Variants in DNAH5 observed in about 807,000 individuals in gnomAD.
DNAH5 encodes axonemal beta dynein heavy chain 5.
DNAH5 carries 372 observed loss-of-function variants against 518.2 expected under a neutral mutation model. The observed-to-expected ratio is 0.72, with a 90% CI of 0.66 to 0.78. The LOEUF is 0.78. Ranked by LOEUF, DNAH5 falls within the 30% of genes least tolerant of loss-of-function variation. DNAH5 has a pLI of 0.00. For missense variants in DNAH5, 5,523 were observed against 5,687.0 expected, an observed-to-expected ratio of 0.97 and a Z score of 0.93; for synonymous variants, 2,039 against 2,025.9, an observed-to-expected ratio of 1.01 and a Z score of -0.17.
chr5:13,826,696 C>A (rs1762935325), intron 38 of DNAH5, among the ~76,000 whole-genome samples: 1 of 152,196 alleles, frequency 6.6e-6, no homozygotes, highest in Non-Finnish European at 1.5e-5. Context: ...TACCCAGTCT[C>A]AGGTATGTCT....
Position 13,700,729 on chromosome 5 carries a change from C to T in DNAH5, c.13634G>A (p.Trp4545Ter), listed in dbSNP as rs1390251902. ...AATGAGTTTCATGTTCCTCTTGTCC[C>T]AGCCAGCACCTTCAAGATATAAGCC... ...VYGLYLEGAG[W>*]DKRNMKLIES... The change falls in exon 78 of 79, where the codon TGG (tryptophan) becomes TAG (stop). Residue 4545 changes from tryptophan (W) to a stop codon, truncating the protein, a stop_gained. Transcript: ENST00000265104. LOFTEE classifies it high-confidence loss of function. The T allele has an allele frequency of 6.2e-7, 1 of 1,614,128 alleles. No individual in the cohort carries two copies. The highest frequency in any genetic ancestry group is 2.2e-5 in the East Asian group (1 of 44,874).
intron 16 of DNAH5, among the ~76,000 whole-genome samples, chr5:13,892,098 A>G (rs1483354333): frequency 9.1e-6 from 1 of 109,986 alleles, no homozygotes; most frequent in Non-Finnish European, 2.0e-5. Flanking sequence ...ATAAAAGCCT[A>G]AAAGTTTTCT....
chr5:13,817,623 G>A lies in DNAH5; in HGVS notation c.6913C>T (p.Leu2305=). The change falls in exon 42 of 79, where the codon CTG becomes TTG. Residue 2305 remains leucine, a synonymous_variant. Transcript: ENST00000265104. ...GTCCAGTCATTTGTGGCAACGTCCA[G>A]CCGACCAAACATCTGTGGGGCAGTA... ...AITAPQMFGR[L]DVATNDWTDG... 1 of 1,614,092 alleles carries A rather than the reference G, an allele frequency of 6.2e-7. No individual in the cohort carries two copies. The highest frequency in any genetic ancestry group is 1.1e-5 in the South Asian group (1 of 91,076).
chr5:13,896,534 T>C (rs1773937181), intron 15 of DNAH5: 1 of 152,228 alleles, frequency 6.6e-6, no homozygotes, highest in African/African-American at 2.4e-5. Flanking sequence ...TTTATTACAA[T>C]AGACTATATT....
intron 30 of DNAH5, among the ~76,000 whole-genome samples, chr5:13,857,407 G>T (rs890297301): frequency 1.3e-5 from 2 of 152,174 alleles, no homozygotes; most frequent in Non-Finnish European, 2.9e-5. Context: ...TGGATAGGAA[G>T]AATCAATATC....
chr5:13,876,811 AAGG>A lies in DNAH5; in HGVS notation c.3266_3268del (p.Thr1089_Leu1090delinsMet), dbSNP rs1376380032. 6.2e-7 allele frequency: 1 copy of A among 1,613,516 alleles called. No individual in the cohort carries two copies. Among genetic ancestry groups the A allele is most frequent in the Admixed American group, 1.7e-5 (1 of 59,956 alleles). ...GGGTAAATTTACAGATGCTATCTCC[AAGG>A]TATCTAAAAAGAAAAAAAGAAGAGA... On this transcript the variant is annotated inframe_deletion, in exon 22 of 79. Coordinates refer to ENST00000265104, the MANE Select transcript of DNAH5 (RefSeq NM_001369.3).
chr5:13,719,563 G>A (rs192493377), intron 71 of DNAH5, among the ~76,000 whole-genome samples: 2 of 152,292 alleles, frequency 1.3e-5, no homozygotes, highest in East Asian at 3.9e-4. Flanking sequence ...CTAGCATTTA[G>A]GGAAATCTGA....
At chr5:13,938,267 C>T (rs990221795) in intron 1 of DNAH5, among the ~76,000 whole-genome samples, 1 of 152,124 alleles carries the variant, frequency 6.6e-6, no homozygotes, top group African/African-American at 2.4e-5. Context: ...GCTATACCAT[C>T]AGATGGTCAG....
chr5:13,694,527 A>G (rs1432441738), intron 78 of DNAH5, among the ~76,000 whole-genome samples: 1 of 152,250 alleles, frequency 6.6e-6, no homozygotes, highest in Non-Finnish European at 1.5e-5. Context: ...CAGAAGGAGG[A>G]GGAGAGAGAA....
intron 65 of DNAH5, 68 bp downstream of exon 65, chr5:13,751,010 T>G: frequency 3.3e-6 from 5 of 1,525,300 alleles, no homozygotes; most frequent in Non-Finnish European, 4.5e-6. Context: ...ACTGTTATTA[T>G]CTTATTTTTG....
chr5:13,871,864 A>G, intron 22 of DNAH5, 99 bp from the exon 23 acceptor site: 1 of 1,084,022 alleles, frequency 9.2e-7, no homozygotes. Flanking sequence ...CTATGGATTT[A>G]TTAAAATGTT....
rs943419571 is a variant in DNAH5, at chr5:13,916,472, A to G, written c.1090-17T>C. 5.7e-6 allele frequency: 8 copies of G among 1,397,320 alleles called. No individual in the cohort carries two copies. The highest frequency in any genetic ancestry group is 8.1e-6 in the Non-Finnish European group (8 of 987,606). The allele number at this position is 1,397,320 out of a possible 1,614,324, so 86.6% of individuals were successfully genotyped here. A position where few individuals can be genotyped will look rare whatever the true frequency, so the allele number is the denominator to read the frequency against. ...CATGGATAGCTGAAAGATATCACCAAAGTTTTCAGAAAAAATCATCAAATT... is the reference window on the plus strand; with the variant it reads ...CATGGATAGCTGAAAGATATCACCAGAGTTTTCAGAAAAAATCATCAAATT... On this transcript the variant is annotated splice_polypyrimidine_tract_variant and intron_variant, in intron 8 of 78. Coordinates refer to ENST00000265104, the MANE Select transcript of DNAH5 (RefSeq NM_001369.3).
chr5:13,964,609 G>C (rs1781410002), intron 1 of DNAH5, among the ~76,000 whole-genome samples: 1 of 152,180 alleles, frequency 6.6e-6, no homozygotes, highest in South Asian at 2.1e-4. Context: ...CTTGACCTTA[G>C]ATCATTCCCT....
At position 13,891,001 on chromosome 5, in the gene DNAH5, C is replaced by T. The variant is rs775916218; in HGVS notation, c.2552G>A (p.Cys851Tyr). Residue 851 changes from cysteine (C) to tyrosine (Y), a missense_variant, in exon 17 of 79, where the codon TGT becomes TAT. Transcript: ENST00000265104. ...CTTTGTCATTTGGAGAAACTCTTCA[C>T]AGGTTAGTGGCTCCTCCTGGGGAAG... ...CQLPQEEPLT[C>Y]EEFLQMTKDL... 1 of 1,614,006 alleles carries T rather than the reference C, an allele frequency of 6.2e-7. No individual in the cohort carries two copies. The highest frequency in any genetic ancestry group is 1.3e-5 in the African/African-American group (1 of 74,916).
rs759159688 is a variant in DNAH5, at chr5:13,713,096, G to GGT, written c.13125+1307_13125+1308dup. On this transcript the variant is annotated intron_variant, in intron 75 of 78. Coordinates refer to ENST00000265104, the MANE Select transcript of DNAH5 (RefSeq NM_001369.3). Reference sequence around the variant, plus strand: ...ATTAACGAATGTATAAAGAAACTGTGGTGTGTGTGTGTATATATATATATA... The same window carrying GGT: ...ATTAACGAATGTATAAAGAAACTGTGGTGTGTGTGTGTGTATATATATATATA... Among the ~76,000 whole-genome samples the GGT allele has an allele frequency of 2.3e-3, 270 of 116,466 alleles. 7 individuals carry two copies. In the South Asian group the frequency reaches 0.024, roughly 10 times the overall value. 76.4% of individuals were successfully genotyped at this position (116,466 alleles called of 152,430 possible). A position where few individuals can be genotyped will look rare whatever the true frequency, so the allele number is the denominator to read the frequency against.
chr5:13,949,628 A>C (rs1035057656), upstream of DNAH5, among the ~76,000 whole-genome samples: 1 of 152,232 alleles, frequency 6.6e-6, no homozygotes, highest in Admixed American at 6.5e-5. Context: ...TAGAGTAAAC[A>C]CTAAGAGCAT....
chr5:14,011,703 C>A (rs998523946), exon 1 of DNAH5, among the ~76,000 whole-genome samples: 7 of 152,148 alleles, frequency 4.6e-5, no homozygotes, highest in Admixed American at 1.3e-4. Context: ...AGCGCTCCCC[C>A]GGTGCAGGGA....
At chr5:13,908,971 A>G (rs1775672519) in intron 12 of DNAH5, among the ~76,000 whole-genome samples, 1 of 152,210 alleles carries the variant, frequency 6.6e-6, no homozygotes, top group African/African-American at 2.4e-5. Flanking sequence ...GTGAGTATTT[A>G]AAGGACAGAC....
rs188909378 is a variant in DNAH5 at position 13,900,147 on chromosome 5, T to C, written c.2259+59A>G. 2.1e-4 allele frequency: 305 copies of C among 1,460,284 alleles called. 3 individuals carry two copies. The African/African-American group carries it at 3.5e-3, about 17-fold the overall frequency. 90.5% of individuals were successfully genotyped at this position (1,460,284 alleles called of 1,614,324 possible). A position where few individuals can be genotyped will look rare whatever the true frequency, so the allele number is the denominator to read the frequency against. On this transcript the variant is annotated intron_variant, in intron 15 of 78. Coordinates refer to ENST00000265104, the MANE Select transcript of DNAH5 (RefSeq NM_001369.3). ...CTTGAATATGACACATCACCATATT[T>C]TTTTATAATACATTCCAGAGCTAGC...
Sources: gnomAD v4.1 joint callset for allele counts (sites outside exome capture counted in the v4.1 genomes callset) on GRCh38, gnomAD v4.1.1 for gene constraint, MANE v1.5 for transcripts, NCBI Gene and HGNC (gene_info 2026-07-23, HGNC 2026-07-21) for gene names.